ENOX1: variants seen among roughly 807,000 people sequenced by gnomAD.
ENOX1 encodes ecto-NOX disulfide-thiol exchanger 1, also known as candidate growth-related and time keeping constitutive hydroquinone (NADH) oxidase.
ENOX1 carries 42 observed loss-of-function variants against 82.5 expected under a neutral mutation model. The observed-to-expected ratio is 0.51, with a 90% CI of 0.40 to 0.66. The LOEUF (loss-of-function observed/expected upper bound fraction) is 0.66. Ranked by LOEUF, ENOX1 falls within the 30% of genes least tolerant of loss-of-function variation. ENOX1 has a pLI of 0.00. For synonymous variants in ENOX1, 271 were observed against 282.2 expected, an observed-to-expected ratio of 0.96 and a Z score of 0.40; for missense variants, 608 against 811.6, an observed-to-expected ratio of 0.75 and a Z score of 3.05.
chr13:43,649,864 T>C (rs944535148), intron 2 of ENOX1, among the ~76,000 whole-genome samples: 3 of 152,202 alleles, frequency 2.0e-5, no homozygotes, highest in Admixed American at 6.5e-5. Context: ...GCTCCAAGCA[T>C]GGACTAACAA....
chr13:43,418,807 C>A (rs910409551), intron 3 of ENOX1, among the ~76,000 whole-genome samples: 1 of 152,174 alleles, frequency 6.6e-6, no homozygotes, highest in Non-Finnish European at 1.5e-5. Flanking sequence ...AAATCTCATA[C>A]CAATTTCATA....
At chr13:43,737,338 C>T (rs2089683087) in intron 1 of ENOX1, among the ~76,000 whole-genome samples, 1 of 152,190 alleles carries the variant, frequency 6.6e-6, no homozygotes, top group East Asian at 1.9e-4. Context: ...AAAGCCTGGG[C>T]ACTTGACTAG....
At chr13:43,302,294 G>A (rs2046625641) in intron 11 of ENOX1, among the ~76,000 whole-genome samples, 1 of 152,108 alleles carries the variant, frequency 6.6e-6, no homozygotes, top group Non-Finnish European at 1.5e-5. Context: ...TTTTGTTGGT[G>A]ATTTTAAAGG....
intron 11 of ENOX1, among the ~76,000 whole-genome samples, chr13:43,311,642 T>C (rs2047208004): frequency 6.6e-6 from 1 of 152,204 alleles, no homozygotes; most frequent in Non-Finnish European, 1.5e-5. Context: ...CGAACTGATG[T>C]TATGCTACGA....
intron 1 of ENOX1, among the ~76,000 whole-genome samples, chr13:43,680,203 A>G (rs140277835): frequency 6.0e-4 from 92 of 152,344 alleles, no homozygotes; most frequent in African/African-American, 2.2e-3. Flanking sequence ...TTCTTAAAGT[A>G]TGGTTTAACT....
At chr13:43,646,431 C>T (rs930710211) in intron 2 of ENOX1, among the ~76,000 whole-genome samples, 38 of 152,204 alleles carry the variant, frequency 2.5e-4, no homozygotes, top group African/African-American at 7.5e-4. Context: ...CTTGTGCTCA[C>T]GCAGTTAGGG....
chr13:43,499,150 T>C (rs1348112143), intron 2 of ENOX1, among the ~76,000 whole-genome samples: 2 of 152,100 alleles, frequency 1.3e-5, no homozygotes, highest in Non-Finnish European at 2.9e-5. Flanking sequence ...TACTCTTAAA[T>C]ATTGTCAAGG....
At chr13:43,706,848 C>A (rs549426286) in intron 1 of ENOX1, among the ~76,000 whole-genome samples, 1 of 151,962 alleles carries the variant, frequency 6.6e-6, no homozygotes, top group African/African-American at 2.4e-5. Flanking sequence ...TCCACTCCTA[C>A]CACTTCTACT....
intron 5 of ENOX1, among the ~76,000 whole-genome samples, chr13:43,382,720 C>T (rs2052139790): frequency 6.6e-6 from 1 of 152,060 alleles, no homozygotes; most frequent in East Asian, 1.9e-4. Flanking sequence ...GTGATGATTT[C>T]ACAAGTATAT....
intron 3 of ENOX1, among the ~76,000 whole-genome samples, chr13:43,446,494 C>A (rs1201501561): frequency 6.6e-6 from 1 of 151,984 alleles, no homozygotes. Flanking sequence ...CCAGTGGCTC[C>A]TTATCTTCTA....
intron 1 of ENOX1, among the ~76,000 whole-genome samples, chr13:43,785,022 C>A (rs1202974226): frequency 6.6e-6 from 1 of 152,206 alleles, no homozygotes; most frequent in African/African-American, 2.4e-5. Flanking sequence ...TCTTCCCTCA[C>A]AATATTCCGA....
chr13:43,606,566 TCTTA>T (rs1303528566), intron 2 of ENOX1, among the ~76,000 whole-genome samples: 1 of 152,186 alleles, frequency 6.6e-6, no homozygotes, highest in African/African-American at 2.4e-5. Flanking sequence ...CTTCTCATGT[TCTTA>T]CTTATTTGTG....
chr13:43,469,095 T>C (rs2057873910), intron 3 of ENOX1, among the ~76,000 whole-genome samples: 1 of 152,126 alleles, frequency 6.6e-6, no homozygotes, highest in Non-Finnish European at 1.5e-5. Flanking sequence ...AACTGTAATG[T>C]TAGTTGTGGG....
chr13:43,639,750 C>T (rs562948023), intron 2 of ENOX1, among the ~76,000 whole-genome samples: 57 of 152,268 alleles, frequency 3.7e-4, no homozygotes, highest in African/African-American at 1.3e-3. Context: ...AAAATCTTGG[C>T]CGGGCACAGT....
chr13:43,219,573 T>C (rs1431325831), intron 16 of ENOX1, among the ~76,000 whole-genome samples: 7 of 152,302 alleles, frequency 4.6e-5, no homozygotes, highest in Non-Finnish European at 1.0e-4. Context: ...GAAGGATTTA[T>C]TTGCTACAAA....
intron 1 of ENOX1, among the ~76,000 whole-genome samples, chr13:43,770,123 C>CT (rs960301636): frequency 5.9e-5 from 9 of 152,230 alleles, no homozygotes. Context: ...AGAGTAAACT[C>CT]TAACAAACAC....
At chr13:43,359,774 C>T in intron 7 of ENOX1, 77 bp downstream of exon 7, 1 of 1,372,682 alleles carries the variant, frequency 7.3e-7, no homozygotes, top group Non-Finnish European at 1.0e-6. Context: ...TGCATGAAGG[C>T]CAAAGGGAAT....
chr13:43,485,425 G>A (rs1451671215), intron 2 of ENOX1, among the ~76,000 whole-genome samples: 1 of 152,178 alleles, frequency 6.6e-6, no homozygotes, highest in African/African-American at 2.4e-5. Flanking sequence ...CCCTTAGAGA[G>A]ACTAGAAAAT....
intron 1 of ENOX1, among the ~76,000 whole-genome samples, chr13:43,671,456 G>A (rs1377952498): frequency 6.6e-6 from 1 of 152,146 alleles, no homozygotes; most frequent in East Asian, 1.9e-4. Context: ...GAAAACTCTA[G>A]AAAGCAAACA....
Sources: gnomAD v4.1 joint callset for allele counts (sites outside exome capture counted in the v4.1 genomes callset) on GRCh38, gnomAD v4.1.1 for gene constraint, MANE v1.5 for transcripts, NCBI Gene and HGNC (gene_info 2026-07-23, HGNC 2026-07-21) for gene names.